Variants in GMDS observed in about 807,000 individuals in gnomAD.
The protein encoded by GMDS is GDP-mannose 4,6 dehydratase.
In GMDS, 20 loss-of-function variants were observed where a neutral mutation model predicts 49.9. That is an observed-to-expected ratio of 0.40 (90% CI 0.28 to 0.58). GMDS has a LOEUF of 0.58. Ranked by LOEUF, GMDS falls within the 20% of genes least tolerant of loss-of-function variation. The pLI is 0.42. For synonymous variants in GMDS, 177 were observed against 178.6 expected, an observed-to-expected ratio of 0.99 and a Z score of 0.07; for missense variants, 362 against 481.4, an observed-to-expected ratio of 0.75 and a Z score of 2.32.
intron 4 of GMDS, among the ~76,000 whole-genome samples, chr6:2,064,111 C>T (rs977850355): frequency 6.6e-6 from 1 of 152,144 alleles, no homozygotes; most frequent in Non-Finnish European, 1.5e-5. Context: ...CAACAAAAGG[C>T]ACCCAATAAA....
At chr6:1,893,751 G>C (rs575517857) in intron 7 of GMDS, among the ~76,000 whole-genome samples, 1 of 152,196 alleles carries the variant, frequency 6.6e-6, no homozygotes, top group African/African-American at 2.4e-5. Context: ...GTGAAGGGCC[G>C]TTTATTCAGA....
intron 4 of GMDS, among the ~76,000 whole-genome samples, chr6:2,073,051 A>G (rs1772106717): frequency 6.6e-6 from 1 of 152,212 alleles, no homozygotes; most frequent in Non-Finnish European, 1.5e-5. Flanking sequence ...TTCTGTTTCC[A>G]CCATGGGATG....
rs533344386 is a variant in GMDS at position 2,129,840 on chromosome 6, G to T, written c.103-5109C>A. ...TACGGAGACAGAATATAATAGAAAGGTGTTTATACCTAGGTCATGTTTGTA... is the reference window on the plus strand; with the variant it reads ...TACGGAGACAGAATATAATAGAAAGTTGTTTATACCTAGGTCATGTTTGTA... On this transcript the variant is annotated intron_variant, in intron 1 of 10. Coordinates refer to ENST00000380815, the MANE Select transcript of GMDS (RefSeq NM_001500.4). 2.0e-5 allele frequency among the ~76,000 whole-genome samples: 3 copies of T among 152,268 alleles called. No homozygotes were observed. The South Asian group carries it at 6.2e-4, about 32-fold the overall frequency.
intron 7 of GMDS, among the ~76,000 whole-genome samples, chr6:1,850,803 C>T (rs553352269): frequency 6.6e-6 from 1 of 152,218 alleles, no homozygotes; most frequent in Non-Finnish European, 1.5e-5. Context: ...ACCAACCTCA[C>T]TTAAGTGTCA....
intron 7 of GMDS, among the ~76,000 whole-genome samples, chr6:1,876,215 A>G (rs1014365102): frequency 6.6e-6 from 1 of 151,218 alleles, no homozygotes; most frequent in African/African-American, 2.4e-5. Flanking sequence ...CCGAGATCGC[A>G]CCACTGCACT....
At chr6:1,948,791 G>C (rs1182926560) in intron 6 of GMDS, among the ~76,000 whole-genome samples, 2 of 152,122 alleles carry the variant, frequency 1.3e-5, no homozygotes, top group African/African-American at 4.8e-5. Flanking sequence ...ATGTTAACTG[G>C]TTTACCTGCC....
At chr6:2,066,334 T>G (rs9405543) in intron 4 of GMDS, among the ~76,000 whole-genome samples, 1 of 130,256 alleles carries the variant, frequency 7.7e-6, no homozygotes, top group African/African-American at 3.1e-5. Context: ...TAAAGACCAT[T>G]GAGACTAGGA....
At chr6:1,897,688 A>C (rs1278829843) in intron 7 of GMDS, among the ~76,000 whole-genome samples, 1 of 152,204 alleles carries the variant, frequency 6.6e-6, no homozygotes, top group African/African-American at 2.4e-5. Flanking sequence ...TCTTTTAGCT[A>C]CTTTGAAATA....
chr6:2,146,909 C>A (rs1776584865), intron 1 of GMDS, among the ~76,000 whole-genome samples: 1 of 152,094 alleles, frequency 6.6e-6, no homozygotes, highest in Non-Finnish European at 1.5e-5. Flanking sequence ...TTCAGCCAGC[C>A]TTTTGGAGAT....
chr6:1,933,924 T>C lies in GMDS; in HGVS notation c.644-3694A>G, dbSNP rs2761227. 6.3e-3 allele frequency among the ~76,000 whole-genome samples: 957 copies of C among 152,342 alleles called. 8 individuals carry two copies. Among genetic ancestry groups the C allele is most frequent in the African/African-American group, 0.022 (897 of 41,578 alleles). On this transcript the variant is annotated intron_variant, in intron 6 of 10. Transcript: ENST00000380815. ...CTACATTCGCTTGTGTGGCAGATGC[T>C]TTTGGTGTCATATTCGAGAAGGCTT... is the stretch of plus-strand genomic sequence containing the variant.
intron 1 of GMDS, among the ~76,000 whole-genome samples, chr6:2,208,445 A>C (rs1779904970): frequency 6.6e-6 from 1 of 152,222 alleles, no homozygotes; most frequent in East Asian, 1.9e-4. Flanking sequence ...CAAAGCTAAA[A>C]ACAGAAGCTA....
At chr6:1,882,387 G>A (rs772269773) in intron 7 of GMDS, among the ~76,000 whole-genome samples, 11 of 152,156 alleles carry the variant, frequency 7.2e-5, no homozygotes, top group African/African-American at 2.2e-4. Context: ...GGATATATGC[G>A]TGTGTGTACA....
chr6:1,964,493 C>T (rs1225741746), intron 4 of GMDS, among the ~76,000 whole-genome samples: 1 of 152,148 alleles, frequency 6.6e-6, no homozygotes, highest in Non-Finnish European at 1.5e-5. Flanking sequence ...AGTGGTGGCA[C>T]TAAATGTTAT....
intron 9 of GMDS, among the ~76,000 whole-genome samples, chr6:1,653,692 C>G (rs1415934864): frequency 2.6e-5 from 4 of 152,186 alleles, no homozygotes; most frequent in African/African-American, 9.7e-5. Flanking sequence ...CAAGACCACA[C>G]TACGGGGAAA....
chr6:2,016,260 A>AT (rs1767895990), intron 4 of GMDS, among the ~76,000 whole-genome samples: 1 of 147,180 alleles, frequency 6.8e-6, no homozygotes, highest in Non-Finnish European at 1.5e-5. Flanking sequence ...CTCGGTCTCA[A>AT]AAAAAAAAAA....
chr6:1,698,264 A>G (rs1444632811), intron 9 of GMDS, among the ~76,000 whole-genome samples: 1 of 152,204 alleles, frequency 6.6e-6, no homozygotes, highest in Non-Finnish European at 1.5e-5. Context: ...TGCAGTATTT[A>G]TAGCTGGTAT....
intron 7 of GMDS, among the ~76,000 whole-genome samples, chr6:1,827,651 G>A (rs1771188538): frequency 6.6e-6 from 1 of 151,860 alleles, no homozygotes; most frequent in African/African-American, 2.4e-5. Context: ...TATTTTTTTT[G>A]GCTATTCAAA....
chr6:1,751,161 C>T (rs571848890), intron 7 of GMDS, among the ~76,000 whole-genome samples: 100 of 152,318 alleles, frequency 6.6e-4, no homozygotes, highest in African/African-American at 2.0e-3. Flanking sequence ...CAGACTTAAA[C>T]GTTCCTGCCT....
chr6:1,684,326 G>C (rs1159770455), intron 9 of GMDS, among the ~76,000 whole-genome samples: 3 of 152,154 alleles, frequency 2.0e-5, no homozygotes, highest in African/African-American at 7.2e-5. Context: ...ATACTTCCCA[G>C]ATGAACCGTG....
Sources: allele counts gnomAD v4.1 joint callset (sites outside exome capture counted in the v4.1 genomes callset), GRCh38; gene constraint gnomAD v4.1.1; transcripts MANE v1.5; gene names NCBI Gene and HGNC (gene_info 2026-07-23, HGNC 2026-07-21).